The following TENM2 variants were observed in gnomAD, a reference collection of about 807,000 sequenced individuals.
The protein encoded by TENM2 is teneurin transmembrane protein 2.
A neutral mutation model predicts 245.2 loss-of-function variants in TENM2; 52 were observed. That is an observed-to-expected ratio of 0.21 (90% CI 0.17 to 0.27). TENM2 has a LOEUF of 0.27. TENM2 is among the 10% of genes least tolerant of loss of function. TENM2 has a pLI of 1.00. For missense variants in TENM2, 3,046 were observed against 3,666.8 expected (o/e 0.83, Z 4.37); for synonymous variants, 1,363 against 1,438.9 (o/e 0.95, Z 1.19).
chr5:168,133,330 T>C (rs565703358), intron 12 of TENM2, among the ~76,000 whole-genome samples: 98 of 152,170 alleles, frequency 6.4e-4, no homozygotes, highest in Non-Finnish European at 8.4e-4. Flanking sequence ...TAAAGAAAAA[T>C]ATTAAGTAAA....
chr5:168,029,100 C>T (rs1209366122), intron 5 of TENM2, among the ~76,000 whole-genome samples: 2 of 152,170 alleles, frequency 1.3e-5, no homozygotes, highest in African/African-American at 4.8e-5. Context: ...TCAGTGAGGG[C>T]TCGATTTCTG....
At chr5:167,448,892 C>T (rs114714600) in intron 2 of TENM2, among the ~76,000 whole-genome samples, 2,151 of 151,822 alleles carry the variant, frequency 0.014, 49 homozygotes, top group South Asian at 0.08. Flanking sequence ...TTCTAAGAAG[C>T]GGGGCAATGC....
At chr5:168,145,567 TG>T (rs1374151255) in intron 12 of TENM2, among the ~76,000 whole-genome samples, 1 of 150,188 alleles carries the variant, frequency 6.7e-6, no homozygotes, top group African/African-American at 2.4e-5. Flanking sequence ...AGTACCATGC[TG>T]TTTTGGTTAC....
At chr5:167,923,261 G>A (rs1438388757) in intron 3 of TENM2, among the ~76,000 whole-genome samples, 2 of 151,958 alleles carry the variant, frequency 1.3e-5, no homozygotes, top group African/African-American at 4.8e-5. Context: ...GGAGGTTGCA[G>A]TGAGCTGAGA....
At chr5:167,692,408 A>T (rs887004677) in intron 2 of TENM2, among the ~76,000 whole-genome samples, 1 of 152,108 alleles carries the variant, frequency 6.6e-6, no homozygotes, top group African/African-American at 2.4e-5. Context: ...GTCTGATTCC[A>T]TTTGTTTGGG....
chr5:167,644,697 T>A (rs1779818093), intron 2 of TENM2, among the ~76,000 whole-genome samples: 1 of 152,254 alleles, frequency 6.6e-6, no homozygotes, highest in South Asian at 2.1e-4. Context: ...AAACTGAGTG[T>A]CAGAGCCAGG....
At chr5:167,808,642 AAG>A (rs2150983258) in intron 2 of TENM2, among the ~76,000 whole-genome samples, 1 of 152,302 alleles carries the variant, frequency 6.6e-6, no homozygotes, top group African/African-American at 2.4e-5. Flanking sequence ...CCTTTATTGT[AAG>A]AGAGATAGAA....
intron 25 of TENM2, among the ~76,000 whole-genome samples, chr5:168,230,121 A>AGTT (rs1764710301): frequency 6.6e-6 from 1 of 152,162 alleles, no homozygotes; most frequent in African/African-American, 2.4e-5. Context: ...AATTAGCCCA[A>AGTT]GTTAGGCACA....
chr5:167,148,323 C>G, the TENM2 span, among the ~76,000 whole-genome samples: 3 of 152,178 alleles, frequency 2.0e-5, no homozygotes, highest in Non-Finnish European at 4.4e-5. Flanking sequence ...TATGTTCAGT[C>G]TGCCTTAAAA....
At chr5:167,025,348 T>C in the TENM2 span, among the ~76,000 whole-genome samples, 1 of 152,196 alleles carries the variant, frequency 6.6e-6, no homozygotes, top group Non-Finnish European at 1.5e-5. Context: ...TCATCACAAC[T>C]ATTTGATATA....
the TENM2 span, among the ~76,000 whole-genome samples, chr5:167,229,940 A>G: frequency 6.6e-6 from 1 of 152,180 alleles, no homozygotes; most frequent in Non-Finnish European, 1.5e-5. Flanking sequence ...GGCCCACAGC[A>G]TTCCACAGCT....
the TENM2 span, among the ~76,000 whole-genome samples, chr5:167,075,343 T>C: frequency 6.6e-6 from 1 of 152,148 alleles, no homozygotes; most frequent in Admixed American, 6.5e-5. Flanking sequence ...TCGTTCATCA[T>C]CCTAACCTCA....
intron 23 of TENM2, among the ~76,000 whole-genome samples, chr5:168,221,111 CAAA>C (rs11480110): frequency 7.7e-6 from 1 of 129,566 alleles, no homozygotes; most frequent in African/African-American, 2.9e-5. Flanking sequence ...CACTCTGTCT[CAAA>C]AAAAAAAAAG....
intron 2 of TENM2, among the ~76,000 whole-genome samples, chr5:167,556,804 G>A (rs1226391020): frequency 2.6e-5 from 4 of 152,188 alleles, no homozygotes; most frequent in East Asian, 1.9e-4. Context: ...TCACCAATGC[G>A]GAGTGCAGCA....
At chr5:167,185,876 T>C in the TENM2 span, among the ~76,000 whole-genome samples, 31 of 152,126 alleles carry the variant, frequency 2.0e-4, no homozygotes, top group Non-Finnish European at 4.4e-4. Context: ...ATCATAGCAA[T>C]TATGTTCTCT....
chr5:167,828,666 T>C (rs896645930), intron 2 of TENM2, among the ~76,000 whole-genome samples: 1 of 152,200 alleles, frequency 6.6e-6, no homozygotes, highest in Admixed American at 6.5e-5. Flanking sequence ...CGAAAAAATA[T>C]ATTTATTTTT....
At chr5:168,172,665 C>T (rs1758950480) in intron 13 of TENM2, among the ~76,000 whole-genome samples, 1 of 152,200 alleles carries the variant, frequency 6.6e-6, no homozygotes, top group African/African-American at 2.4e-5. Context: ...CCCTCAGAAA[C>T]ACGAATTTTG....
intron 19 of TENM2, among the ~76,000 whole-genome samples, chr5:168,206,843 C>G (rs1762390282): frequency 6.6e-6 from 1 of 152,120 alleles, no homozygotes; most frequent in African/African-American, 2.4e-5. Context: ...TTTCATCTGG[C>G]CCTTGTAATC....
At chr5:167,576,522 G>A (rs528511253) in intron 2 of TENM2, among the ~76,000 whole-genome samples, 18 of 152,272 alleles carry the variant, frequency 1.2e-4, no homozygotes, top group African/African-American at 4.3e-4. Flanking sequence ...AAAATTATGA[G>A]ATTGTTCTCT....
Sources: allele counts gnomAD v4.1 joint callset (sites outside exome capture counted in the v4.1 genomes callset), GRCh38; gene constraint gnomAD v4.1.1; transcripts MANE v1.5; gene names NCBI Gene and HGNC (gene_info 2026-07-23, HGNC 2026-07-21).